Variants in SELENOT observed in about 807,000 individuals in gnomAD.
SELENOT encodes selenoprotein T.
In SELENOT, 9 loss-of-function variants were observed where a neutral mutation model predicts 24.3. The observed-to-expected ratio is 0.37, with a 90% CI of 0.22 to 0.65. The LOEUF is 0.65. SELENOT is among the 30% of genes least tolerant of loss of function. The pLI is 0.60. For missense variants in SELENOT, 166 were observed against 247.6 expected (o/e 0.67, Z 2.21); for synonymous variants, 81 against 86.0 (o/e 0.94, Z 0.32).
chr3:150,609,730 T>G (rs1726040225), intron 1 of SELENOT, among the ~76,000 whole-genome samples: 1 of 152,230 alleles, frequency 6.6e-6, no homozygotes, highest in African/African-American at 2.4e-5. Flanking sequence ...CTTACTTCAC[T>G]GAAGTTGACC....
chr3:150,619,005 A>G (rs980884712), intron 1 of SELENOT: 1 of 152,068 alleles, frequency 6.6e-6, no homozygotes, highest in Non-Finnish European at 1.5e-5. Context: ...TTGATTCCGT[A>G]TAGTAAGGTA....
intron 1 of SELENOT, chr3:150,614,474 A>C (rs76738873): frequency 0.058 from 8,873 of 154,212 alleles, 333 homozygotes; most frequent in Non-Finnish European, 0.082. Context: ...GCTAGAAAGG[A>C]TCTTACACAT....
At chr3:150,618,142 C>T (rs1334335358) in intron 1 of SELENOT, among the ~76,000 whole-genome samples, 3 of 152,234 alleles carry the variant, frequency 2.0e-5, no homozygotes, top group Admixed American at 6.5e-5. Context: ...CAGCACTGCA[C>T]TGGCCGATAG....
At chr3:150,615,829 C>T (rs1726199391) in intron 1 of SELENOT, among the ~76,000 whole-genome samples, 1 of 151,934 alleles carries the variant, frequency 6.6e-6, no homozygotes, top group African/African-American at 2.4e-5. Flanking sequence ...TGCCTTTCTT[C>T]ACAGAATTGG....
chr3:150,622,583 T>C, intron 2 of SELENOT, 88 bp downstream of exon 2: 1 of 519,220 alleles, frequency 1.9e-6, no homozygotes, highest in Non-Finnish European at 3.3e-6. Flanking sequence ...TCCTTAGTTA[T>C]TGTAATTACT....
chr3:150,621,089 A>G (rs1294737621), intron 1 of SELENOT, among the ~76,000 whole-genome samples: 1 of 152,196 alleles, frequency 6.6e-6, no homozygotes, highest in African/African-American at 2.4e-5. Flanking sequence ...AACAATGGTA[A>G]TAATAAAACA....
At chr3:150,625,970 C>T (rs557712340) in intron 4 of SELENOT, among the ~76,000 whole-genome samples, 1 of 151,644 alleles carries the variant, frequency 6.6e-6, no homozygotes, top group Non-Finnish European at 1.5e-5. Context: ...CCCAGGTTCA[C>T]GCCATTCTCC....
At chr3:150,618,004 G>A (rs985428135) in intron 1 of SELENOT, among the ~76,000 whole-genome samples, 10 of 151,966 alleles carry the variant, frequency 6.6e-5, no homozygotes, top group African/African-American at 2.4e-4. Context: ...CTACAGGCAC[G>A]CGCCACCATG....
At chr3:150,612,805 C>T (rs1726126368) in intron 1 of SELENOT, among the ~76,000 whole-genome samples, 1 of 152,184 alleles carries the variant, frequency 6.6e-6, no homozygotes, top group Non-Finnish European at 1.5e-5. Flanking sequence ...CACTAACTTC[C>T]AAAGTTCATT....
chr3:150,614,728 G>A (rs1479102586), intron 1 of SELENOT: 2 of 152,124 alleles, frequency 1.3e-5, no homozygotes, highest in Non-Finnish European at 2.9e-5. Context: ...TATTTATTTA[G>A]AATTTATGAG....
chr3:150,615,340 C>G (rs2108009568), intron 1 of SELENOT, among the ~76,000 whole-genome samples: 1 of 151,598 alleles, frequency 6.6e-6, no homozygotes, highest in Admixed American at 6.6e-5. Context: ...GTGCATGTGT[C>G]TTTATAGCAG....
chr3:150,612,392 T>C (rs1469381152), intron 1 of SELENOT, among the ~76,000 whole-genome samples: 1 of 151,670 alleles, frequency 6.6e-6, no homozygotes, highest in Non-Finnish European at 1.5e-5. Flanking sequence ...CATGCCCGGC[T>C]ATATATATAT....
At chr3:150,625,373 T>G (rs1311018903) in intron 4 of SELENOT, among the ~76,000 whole-genome samples, 11 of 152,192 alleles carry the variant, frequency 7.2e-5, no homozygotes, top group Admixed American at 5.9e-4. Context: ...TTCTCATTTA[T>G]TTAGTGATAC....
Position 150,626,037 on chromosome 3 carries a change from T to C in SELENOT, c.464-973T>C, listed in dbSNP as rs186808285. Among the ~76,000 whole-genome samples the C allele has an allele frequency of 4.4e-3, 664 of 152,188 alleles. 7 individuals carry two copies. Among genetic ancestry groups the C allele is most frequent in the African/African-American group, 0.015 (633 of 41,518 alleles). The stretch of plus-strand genomic sequence containing the variant: ...GGCGCCTGCCACCACGCCTGGCTAA[T>C]TTTTTGTATTTTTAGTAGAGACAGA... On this transcript the variant is annotated intron_variant, in intron 4 of 5. Transcript: ENST00000471696.
chr3:150,622,970 A>G, intron 2 of SELENOT, 73 bp from the exon 3 acceptor site: 1 of 1,336,382 alleles, frequency 7.5e-7, no homozygotes. Flanking sequence ...CTTTACATAC[A>G]CTTGAATTAC....
chr3:150,615,962 A>T (rs1366283354), intron 1 of SELENOT, among the ~76,000 whole-genome samples: 2 of 151,978 alleles, frequency 1.3e-5, no homozygotes, highest in African/African-American at 4.8e-5. Flanking sequence ...CTACAAGGCT[A>T]CAGTAACCAA....
At chr3:150,605,599 T>G (rs1725945952) in intron 1 of SELENOT, among the ~76,000 whole-genome samples, 1 of 151,882 alleles carries the variant, frequency 6.6e-6, no homozygotes, top group Admixed American at 6.6e-5. Flanking sequence ...TAAAAAATTA[T>G]TTTTATTTTT....
At chr3:150,623,395 A>T (rs940004373) in intron 3 of SELENOT, among the ~76,000 whole-genome samples, 10 of 151,656 alleles carry the variant, frequency 6.6e-5, no homozygotes, top group South Asian at 4.2e-4. Flanking sequence ...TTTTGGGGGG[A>T]TAGGGAGGTG....
chr3:150,611,191 G>A lies in SELENOT; in HGVS notation c.137+7692G>A, dbSNP rs939432243. 13 of 773,872 alleles carry A rather than the reference G, an allele frequency of 1.7e-5. No homozygotes were observed. In the African/African-American group the frequency reaches 2.0e-4, roughly 12 times the overall value. The allele number at this position is 773,872 out of a possible 1,614,324, so 47.9% of individuals were successfully genotyped here. On this transcript the variant is annotated intron_variant, in intron 1 of 5. Coordinates refer to ENST00000471696, the MANE Select transcript of SELENOT (RefSeq NM_016275.5). Reference sequence around the variant, plus strand: ...ATCTTTTGCAGAAAAAATACACAAAGAACATTTCTACATGTGAAAAAGCGG... The same window carrying A: ...ATCTTTTGCAGAAAAAATACACAAAAAACATTTCTACATGTGAAAAAGCGG...
Sources: gnomAD v4.1 joint callset for allele counts (sites outside exome capture counted in the v4.1 genomes callset) on GRCh38, gnomAD v4.1.1 for gene constraint, MANE v1.5 for transcripts, NCBI Gene and HGNC (gene_info 2026-07-23, HGNC 2026-07-21) for gene names.